The following CATSPERE variants were observed in gnomAD, a reference collection of about 807,000 sequenced individuals.
The protein encoded by CATSPERE is catsper channel auxiliary subunit epsilon.
In CATSPERE, 93 loss-of-function variants were observed where a neutral mutation model predicts 114.1. That is an observed-to-expected ratio of 0.81 (90% CI 0.69 to 0.97). The LOEUF (loss-of-function observed/expected upper bound fraction) is 0.97. CATSPERE is among the 50% of genes least tolerant of loss of function. CATSPERE has a pLI of 0.00. For missense variants in CATSPERE, 1,058 were observed against 1,131.6 expected, an observed-to-expected ratio of 0.93 and a Z score of 0.93; for synonymous variants, 341 against 384.1, an observed-to-expected ratio of 0.89 and a Z score of 1.31.
intron 8 of CATSPERE, among the ~76,000 whole-genome samples, chr1:244,530,173 T>A (rs961328804): frequency 2.6e-5 from 4 of 152,192 alleles, no homozygotes; most frequent in Admixed American, 6.5e-5. Context: ...GGTCTTGAAC[T>A]CCTGACCTCA....
chr1:244,497,588 G>A (rs1057300193), intron 6 of CATSPERE, among the ~76,000 whole-genome samples: 1 of 152,146 alleles, frequency 6.6e-6, no homozygotes, highest in Non-Finnish European at 1.5e-5. Flanking sequence ...CCTGAGGTCA[G>A]GAGTTCGAGA....
chr1:244,615,070 G>C (rs1671202808), intron 19 of CATSPERE, among the ~76,000 whole-genome samples: 3 of 151,862 alleles, frequency 2.0e-5, no homozygotes, highest in Non-Finnish European at 4.4e-5. Flanking sequence ...CTGGGAGATT[G>C]GTAGAGCTGC....
At chr1:244,555,054 A>G (rs1272312038) in intron 9 of CATSPERE, among the ~76,000 whole-genome samples, 1 of 152,224 alleles carries the variant, frequency 6.6e-6, no homozygotes, top group African/African-American at 2.4e-5. Context: ...TAGATACAGA[A>G]AAAGCATGTG....
At chr1:244,560,361 CAA>C (rs1387548084) in intron 9 of CATSPERE, among the ~76,000 whole-genome samples, 3 of 123,632 alleles carry the variant, frequency 2.4e-5, no homozygotes, top group Non-Finnish European at 4.7e-5. Context: ...TATGAGGACA[CAA>C]AGGCGTAAGA....
At chr1:244,545,418 G>C (rs1204753750) in intron 8 of CATSPERE, among the ~76,000 whole-genome samples, 2 of 152,212 alleles carry the variant, frequency 1.3e-5, no homozygotes, top group Admixed American at 1.3e-4. Context: ...CAGGATAAGA[G>C]AAGGCTCTAG....
At chr1:244,511,332 A>G (rs1247859098) in intron 7 of CATSPERE, among the ~76,000 whole-genome samples, 1 of 152,188 alleles carries the variant, frequency 6.6e-6, no homozygotes, top group Non-Finnish European at 1.5e-5. Context: ...TGCCTTCACT[A>G]TGAATCTTCA....
chr1:244,508,449 C>T (rs569287477), intron 7 of CATSPERE, among the ~76,000 whole-genome samples: 10 of 151,630 alleles, frequency 6.6e-5, no homozygotes, highest in South Asian at 2.1e-4. Context: ...TATAGGCACC[C>T]GCCACCACGC....
intron 7 of CATSPERE, among the ~76,000 whole-genome samples, chr1:244,517,054 GT>G (rs1676757423): frequency 6.6e-6 from 1 of 152,038 alleles, no homozygotes; most frequent in African/African-American, 2.4e-5. Context: ...TGAAAATGAT[GT>G]TTATAGACTG....
intron 2 of CATSPERE, 103 bp downstream of exon 2, chr1:244,464,059 T>C (rs1357036413): frequency 1.2e-5 from 10 of 833,456 alleles, no homozygotes; most frequent in Non-Finnish European, 2.0e-5. Context: ...TCATTGTCAC[T>C]CTTCTGTTTC....
intron 19 of CATSPERE, chr1:244,610,558 T>C: frequency 3.2e-6 from 2 of 632,492 alleles, no homozygotes; most frequent in Non-Finnish European, 5.7e-6. Context: ...TAAATATGTG[T>C]TTGCAGATTA....
intron 20 of CATSPERE, among the ~76,000 whole-genome samples, chr1:244,627,134 G>A (rs564861132): frequency 2.4e-4 from 36 of 152,248 alleles, no homozygotes; most frequent in Admixed American, 5.2e-4. Flanking sequence ...CGTGTCTCAG[G>A]AAGTAGGGAG....
chr1:244,490,284 CAT>C (rs1047810052), intron 5 of CATSPERE, among the ~76,000 whole-genome samples, 161 bp from the exon 6 acceptor site: 15 of 152,234 alleles, frequency 9.9e-5, no homozygotes, highest in African/African-American at 2.4e-4. Flanking sequence ...AATAAATAGA[CAT>C]GTGATTTTTT....
upstream of CATSPERE, chr1:244,454,327 AG>A (rs1442966550): frequency 1.3e-5 from 2 of 152,228 alleles, no homozygotes; most frequent in Non-Finnish European, 2.9e-5. Context: ...GAGCTTTGCC[AG>A]GCTGATATTG....
chr1:244,490,674 CT>C (rs980593072), intron 6 of CATSPERE, among the ~76,000 whole-genome samples: 5 of 152,142 alleles, frequency 3.3e-5, no homozygotes, highest in Admixed American at 6.5e-5. Context: ...AAGGATGGAT[CT>C]TCCCCCCTTT....
chr1:244,576,555 G>T (rs776411269), intron 11 of CATSPERE, among the ~76,000 whole-genome samples: 29 of 151,408 alleles, frequency 1.9e-4, no homozygotes, highest in Non-Finnish European at 5.9e-5. Context: ...ATTTTTCCTT[G>T]CAGTACTGAG....
chr1:244,464,442 T>C (rs2148075068), intron 2 of CATSPERE, among the ~76,000 whole-genome samples: 1 of 152,166 alleles, frequency 6.6e-6, no homozygotes, highest in East Asian at 1.9e-4. Flanking sequence ...GCTGGACATA[T>C]AGCTTCCTAC....
At chr1:244,638,778 C>G (rs1404137027) in intron 21 of CATSPERE, among the ~76,000 whole-genome samples, 1 of 152,136 alleles carries the variant, frequency 6.6e-6, no homozygotes, top group East Asian at 1.9e-4. Context: ...TTCTCAAACC[C>G]CACATCTTAA....
At chr1:244,477,200 TG>T (rs1669509843) in intron 2 of CATSPERE, among the ~76,000 whole-genome samples, 1 of 152,174 alleles carries the variant, frequency 6.6e-6, no homozygotes, top group African/African-American at 2.4e-5. Context: ...TTCACCATGT[TG>T]GCCAGACTGG....
At chr1:244,492,624 G>T (rs1297508786) in intron 6 of CATSPERE, among the ~76,000 whole-genome samples, 1 of 152,116 alleles carries the variant, frequency 6.6e-6, no homozygotes, top group Non-Finnish European at 1.5e-5. Context: ...GAAACAAAGG[G>T]TATTAAATTG....
Sources: gnomAD v4.1 joint callset for allele counts (sites outside exome capture counted in the v4.1 genomes callset) on GRCh38, gnomAD v4.1.1 for gene constraint, MANE v1.5 for transcripts, NCBI Gene and HGNC (gene_info 2026-07-23, HGNC 2026-07-21) for gene names.